The following GUF1 variants were observed in gnomAD, a reference collection of about 807,000 sequenced individuals.
GUF1 encodes translation factor GUF1, mitochondrial.
A neutral mutation model predicts 82.4 loss-of-function variants in GUF1; 78 were observed. The ratio of observed to expected loss-of-function variants is 0.95; its 90% CI spans 0.79 to 1.14. GUF1 has a LOEUF of 1.14. Ranked by LOEUF, GUF1 falls within the 50% of genes most tolerant of loss-of-function variation. The pLI, the probability that GUF1 is intolerant of heterozygous loss-of-function variation, is 0.00. For synonymous variants in GUF1, 279 were observed against 282.3 expected (o/e 0.99, Z 0.12); for missense variants, 814 against 798.2 (o/e 1.02, Z -0.24).
At chr4:44,682,308 A>G in intron 4 of GUF1, 26 bp from the exon 5 acceptor site, 3 of 1,342,118 alleles carry the variant, frequency 2.2e-6, no homozygotes, top group Non-Finnish European at 3.0e-6. Context: ...TGGTCATCTC[A>G]GTATCTTGTA....
intron 14 of GUF1, among the ~76,000 whole-genome samples, chr4:44,695,236 T>C (rs766894235): frequency 6.6e-6 from 1 of 152,164 alleles, no homozygotes; most frequent in Non-Finnish European, 1.5e-5. Flanking sequence ...TTTAGTGACA[T>C]AAAAATGTCT....
At chr4:44,686,260 T>C (rs1715043915) in intron 7 of GUF1, among the ~76,000 whole-genome samples, 1 of 152,042 alleles carries the variant, frequency 6.6e-6, no homozygotes, top group Non-Finnish European at 1.5e-5. Context: ...ATGACAATCA[T>C]TATAAAATAT....
chr4:44,690,327 C>T (rs1010212641), intron 11 of GUF1, among the ~76,000 whole-genome samples: 5 of 151,528 alleles, frequency 3.3e-5, no homozygotes, highest in Admixed American at 3.3e-4. Context: ...TAATTTATCT[C>T]GTAAAAAGTG....
chr4:44,680,555 A>G lies in GUF1; in HGVS notation c.277+3A>G. 3.2e-6 allele frequency: 5 copies of G among 1,581,488 alleles called. No homozygotes were observed. The highest frequency in any genetic ancestry group is 1.7e-5 in the Admixed American group (1 of 58,446). Reference sequence around the variant, plus strand: ...TGACAGGCTCCTAGAACTTACAGGTATTTCATTTATGTTACATACTTAACT... The same window carrying G: ...TGACAGGCTCCTAGAACTTACAGGTGTTTCATTTATGTTACATACTTAACT... On this transcript the variant is annotated splice_donor_region_variant and intron_variant, in intron 2 of 16. Transcript: ENST00000281543.
At chr4:44,692,009 T>G (rs2109658379) in intron 13 of GUF1, among the ~76,000 whole-genome samples, 1 of 151,984 alleles carries the variant, frequency 6.6e-6, no homozygotes, top group South Asian at 2.1e-4. Context: ...TCCTTTGATT[T>G]ATTATCTAAC....
chr4:44,683,109 G>C, intron 5 of GUF1, 126 bp from the exon 6 acceptor site: 1 of 523,850 alleles, frequency 1.9e-6, no homozygotes, highest in Non-Finnish European at 3.3e-6. Flanking sequence ...TACTGCTTTT[G>C]AAAAAATATT....
chr4:44,694,552 C>G, intron 14 of GUF1, 39 bp downstream of exon 14: 1 of 1,174,278 alleles, frequency 8.5e-7, no homozygotes. Context: ...TGTGAAAATA[C>G]TTTTGATATG....
rs1716089631 is a variant in GUF1 at position 44,699,595 on chromosome 4, C to T, written c.*914C>T. ...CTAAAAGGCCCCATACTTAAGATTC[C>T]ATCTACTTTAAGTTTAAAGGATTTT... is the stretch of plus-strand genomic sequence containing the variant. On this transcript the variant is annotated 3_prime_UTR_variant, in exon 17 of 17. Transcript: ENST00000281543. 4 of 152,296 alleles carry T rather than the reference C, an allele frequency of 2.6e-5. 1 individual carries two copies. Among genetic ancestry groups the T allele is most frequent in the Admixed American group, 2.6e-4 (4 of 15,290 alleles). 9.4% of individuals were successfully genotyped at this position (152,296 alleles called of 1,614,324 possible).
Position 44,700,300 on chromosome 4 carries a change from A to G in GUF1, c.*1619A>G, listed in dbSNP as rs1447175579. ...GAATTCCTTATGGACAAAGAACTCA[A>G]AGTCTTCACATGAAACAAATGCATA... On this transcript the variant is annotated 3_prime_UTR_variant, in exon 17 of 17. Coordinates refer to ENST00000281543, the MANE Select transcript of GUF1 (RefSeq NM_021927.3). 1.3e-5 allele frequency: 2 copies of G among 152,162 alleles called. No individual in the cohort carries two copies. The highest frequency in any genetic ancestry group is 2.4e-5 in the African/African-American group (1 of 41,422). 9.4% of individuals were successfully genotyped at this position (152,162 alleles called of 1,614,324 possible). A position where few individuals can be genotyped will look rare whatever the true frequency, so the allele number is the denominator to read the frequency against.
intron 4 of GUF1, 53 bp downstream of exon 4, chr4:44,681,256 T>A (rs574498807): frequency 7.7e-7 from 1 of 1,305,884 alleles, no homozygotes; most frequent in Admixed American, 1.9e-5. Flanking sequence ...TTTGGTTGTT[T>A]CAAGAGTTTT....
Position 44,687,021 on chromosome 4 carries a change from G to A in GUF1, c.938+308G>A, listed in dbSNP as rs574867858. Among the ~76,000 whole-genome samples the A allele has an allele frequency of 2.6e-5, 4 of 151,934 alleles. No individual in the cohort carries two copies. The South Asian group carries it at 8.3e-4, about 32-fold the overall frequency. On this transcript the variant is annotated intron_variant, in intron 8 of 16. Transcript: ENST00000281543. ...GTTCCCTCCACCCATATCCATATTA[G>A]GTATCATTTTTGACATTTCTTCATA... is the stretch of plus-strand genomic sequence containing the variant.
At chr4:44,680,271 T>C (rs1006290056) in intron 1 of GUF1, among the ~76,000 whole-genome samples, 170 bp from the exon 2 acceptor site, 2 of 152,198 alleles carry the variant, frequency 1.3e-5, no homozygotes, top group African/African-American at 4.8e-5. Context: ...CTGATGTTCC[T>C]TGTAATATGA....
Position 44,690,697 on chromosome 4 carries a change from C to A in GUF1, c.1336-20C>A. On this transcript the variant is annotated intron_variant, in intron 11 of 16. Coordinates refer to ENST00000281543, the MANE Select transcript of GUF1 (RefSeq NM_021927.3). Reference sequence around the variant, plus strand: ...CATTATATTAAGATTTTAAGTATTGCTGATTTTTCTAATTTTTAGGAACAT... The same window carrying A: ...CATTATATTAAGATTTTAAGTATTGATGATTTTTCTAATTTTTAGGAACAT... The A allele has an allele frequency of 7.1e-7, 1 of 1,418,018 alleles. No homozygotes were observed. The highest frequency in any genetic ancestry group is 9.7e-7 in the Non-Finnish European group (1 of 1,025,928). The allele number at this position is 1,418,018 out of a possible 1,614,324, so 87.8% of individuals were successfully genotyped here.
rs534034579 is a variant in GUF1 at position 44,700,903 on chromosome 4, T to C, written c.*2222T>C. On this transcript the variant is annotated 3_prime_UTR_variant, in exon 17 of 17. Coordinates refer to ENST00000281543, the MANE Select transcript of GUF1 (RefSeq NM_021927.3). ...CAGTAGTATTTTGAAAATGACAGTA[T>C]TTGAAATTAAAAAATTGTAAAAGTG... 4 of 152,292 alleles carry C rather than the reference T, an allele frequency of 2.6e-5. No individual in the cohort carries two copies. Among genetic ancestry groups the C allele is most frequent in the African/African-American group, 7.2e-5 (3 of 41,564 alleles). 9.4% of individuals were successfully genotyped at this position (152,292 alleles called of 1,614,324 possible). A position where few individuals can be genotyped will look rare whatever the true frequency, so the allele number is the denominator to read the frequency against.
chr4:44,698,776 G>T lies in GUF1; in HGVS notation c.*95G>T. 2 of 1,136,426 alleles carry T rather than the reference G, an allele frequency of 1.8e-6. No homozygotes were observed. Among genetic ancestry groups the T allele is most frequent in the Non-Finnish European group, 2.5e-6 (2 of 803,862 alleles). 70.4% of individuals were successfully genotyped at this position (1,136,426 alleles called of 1,614,324 possible). On this transcript the variant is annotated 3_prime_UTR_variant, in exon 17 of 17. Transcript: ENST00000281543. ...TTGCTTGTTACTTTCAGGGTATTCA[G>T]GTTCAAATAACCTACTAGTCTTTCG...
At chr4:44,698,510 A>T (rs1210656562) in intron 16 of GUF1, 34 bp from the exon 17 acceptor site, 3 of 1,537,876 alleles carry the variant, frequency 2.0e-6, no homozygotes, top group Non-Finnish European at 2.6e-6. Context: ...CTTTAGAGTG[A>T]CTTAGACTTC....
intron 6 of GUF1, 97 bp from the exon 7 acceptor site, chr4:44,685,862 A>ATTTT: frequency 8.2e-6 from 6 of 735,854 alleles, no homozygotes; most frequent in Middle Eastern, 2.7e-4. Context: ...AACTATTGGA[A>ATTTT]TTTTTTTTTC....
rs1714705240 is a variant in GUF1 at position 44,680,542 on chromosome 4, A to G, written c.267A>G (p.Leu89=). 1.9e-6 allele frequency: 3 copies of G among 1,598,276 alleles called. No homozygotes were observed. Among genetic ancestry groups the G allele is most frequent in the Non-Finnish European group, 2.6e-6 (3 of 1,168,942 alleles). ...AAAGTACTTTAGCTGACAGGCTCCT[A>G]GAACTTACAGGTATTTCATTTATGT... ...HGKSTLADRL[L]ELTGTIDKTK... is the part of the protein sequence containing the mutation. The change falls in exon 2 of 17, where the codon CTA becomes CTG. Residue 89 remains leucine (L), a synonymous_variant. Transcript: ENST00000281543.
chr4:44,690,788 T>C lies in GUF1; in HGVS notation c.1407T>C (p.Tyr469=), dbSNP rs781450003. The part of the protein sequence containing the change: ...QFPDKSKVTE[Y]LEPVVLGTII... Reference sequence around the variant, plus strand: ...CCGATAAATCAAAAGTAACAGAATATTTGGAGCCAGTTGTTTTGGGCACTA... The same window carrying C: ...CCGATAAATCAAAAGTAACAGAATACTTGGAGCCAGTTGTTTTGGGCACTA... The change falls in exon 12 of 17, where the codon TAT becomes TAC. Residue 469 remains tyrosine (Y), a synonymous_variant. Coordinates refer to ENST00000281543, the MANE Select transcript of GUF1 (RefSeq NM_021927.3). 1 of 1,602,966 alleles carries C rather than the reference T, an allele frequency of 6.2e-7. No homozygotes were observed. Among genetic ancestry groups the C allele is most frequent in the Non-Finnish European group, 8.5e-7 (1 of 1,171,354 alleles).
Sources: gnomAD v4.1 joint callset for allele counts (sites outside exome capture counted in the v4.1 genomes callset) on GRCh38, gnomAD v4.1.1 for gene constraint, MANE v1.5 for transcripts, NCBI Gene and HGNC (gene_info 2026-07-23, HGNC 2026-07-21) for gene names.